Variants in MAGI3 observed in about 807,000 individuals in gnomAD.
The protein encoded by MAGI3 is membrane-associated guanylate kinase, WW and PDZ domain-containing protein 3.
A neutral mutation model predicts 121.8 loss-of-function variants in MAGI3; 43 were observed. The observed-to-expected ratio is 0.35, with a 90% CI of 0.28 to 0.46. The LOEUF (loss-of-function observed/expected upper bound fraction) is 0.46, where lower values mean the gene tolerates loss of function less well. MAGI3 is among the 20% of genes least tolerant of loss of function. The pLI, the probability that MAGI3 is intolerant of heterozygous loss-of-function variation, is 1.00. For synonymous variants in MAGI3, 553 were observed against 639.3 expected (o/e 0.86, Z 2.04); for missense variants, 1,547 against 1,797.3 (o/e 0.86, Z 2.52).
chr1:113,493,928 G>T (rs1307878622), intron 1 of MAGI3, among the ~76,000 whole-genome samples: 1 of 152,190 alleles, frequency 6.6e-6, no homozygotes, highest in Non-Finnish European at 1.5e-5. Flanking sequence ...GGGAATGAGT[G>T]TAAATTAGTT....
At chr1:113,661,871 G>C (rs1263652867) in intron 16 of MAGI3, among the ~76,000 whole-genome samples, 1 of 151,870 alleles carries the variant, frequency 6.6e-6, no homozygotes, top group African/African-American at 2.4e-5. Flanking sequence ...TTATGCTCTA[G>C]GTTTTTTTTA....
Position 113,683,516 on chromosome 1 carries a change from A to G in MAGI3, c.3948A>G (p.Ile1316Met). ...AKLLEGKSRR[I>M]AGYTGSNAEQ... ...TATTAGAGGGTAAGAGTCGAAGAAT[A>G]GCAGGCTATACGGGCAGTAATGCTG... The change falls in exon 21 of 21, where the codon ATA becomes ATG. Residue 1316 changes from isoleucine (I) to methionine (M), a missense_variant. Transcript: ENST00000307546. The G allele has an allele frequency of 6.2e-7, 1 of 1,614,026 alleles. No individual in the cohort carries two copies. The highest frequency in any genetic ancestry group is 1.1e-5 in the South Asian group (1 of 91,082).
Position 113,642,095 on chromosome 1 carries a change from T to C in MAGI3, c.1545T>C (p.Asn515=). The change falls in exon 10 of 21, where the codon AAT becomes AAC. Residue 515 remains asparagine, a synonymous_variant. Coordinates refer to ENST00000307546, the MANE Select transcript of MAGI3 (RefSeq NM_001142782.2). ...VDIVAATPVI[N]GQSLTKGETC... is the part of the protein sequence containing the mutation. ...TTGTTGCTGCTACCCCTGTCATCAA[T>C]GGACAGTCATTAACCAAGGGAGAGA... The C allele has an allele frequency of 6.2e-7, 1 of 1,614,156 alleles. No homozygotes were observed. The highest frequency in any genetic ancestry group is 8.5e-7 in the Non-Finnish European group (1 of 1,180,012).
chr1:113,555,169 A>T (rs1659936386), intron 2 of MAGI3, among the ~76,000 whole-genome samples: 1 of 152,282 alleles, frequency 6.6e-6, no homozygotes, highest in South Asian at 2.1e-4. Flanking sequence ...ATATCCTTCA[A>T]AAATGAAAGA....
intron 5 of MAGI3, 96 bp downstream of exon 5, chr1:113,590,754 G>T (rs1259892886): frequency 8.1e-6 from 9 of 1,113,500 alleles, no homozygotes; most frequent in Non-Finnish European, 9.9e-6. Context: ...ACCTTTTTCA[G>T]AAGACTCATT....
At chr1:113,392,189 T>C (rs1402693307) in intron 1 of MAGI3, among the ~76,000 whole-genome samples, 1 of 152,270 alleles carries the variant, frequency 6.6e-6, no homozygotes, top group East Asian at 1.9e-4. Flanking sequence ...TGATAGTATG[T>C]AGTAGTTCTT....
At chr1:113,559,469 G>C (rs563192634) in intron 2 of MAGI3, among the ~76,000 whole-genome samples, 4 of 152,180 alleles carry the variant, frequency 2.6e-5, no homozygotes, top group Admixed American at 6.5e-5. Flanking sequence ...GTCAAAGAAG[G>C]GCATTACATA....
intron 1 of MAGI3, among the ~76,000 whole-genome samples, chr1:113,403,175 A>G (rs1392650292): frequency 6.6e-6 from 1 of 152,114 alleles, no homozygotes; most frequent in Non-Finnish European, 1.5e-5. Context: ...GAAACAGTCC[A>G]CAGTGGGAGC....
intron 2 of MAGI3, among the ~76,000 whole-genome samples, chr1:113,564,660 A>G (rs1332521627): frequency 6.6e-6 from 1 of 152,100 alleles, no homozygotes; most frequent in Non-Finnish European, 1.5e-5. Flanking sequence ...TCTTGAAGCC[A>G]GGAGTTCAAG....
intron 6 of MAGI3, among the ~76,000 whole-genome samples, chr1:113,612,337 A>G (rs1230178142): frequency 1.3e-5 from 2 of 152,278 alleles, no homozygotes; most frequent in Middle Eastern, 3.4e-3. Context: ...GATTATGTTT[A>G]TCTTTATCTT....
At chr1:113,641,569 T>C (rs1269233217) in intron 9 of MAGI3, among the ~76,000 whole-genome samples, 2 of 152,090 alleles carry the variant, frequency 1.3e-5, no homozygotes, top group East Asian at 1.9e-4. Flanking sequence ...AAATACCTAC[T>C]GCAATGTGCC....
At chr1:113,443,565 C>A (rs1286887485) in intron 1 of MAGI3, among the ~76,000 whole-genome samples, 2 of 152,180 alleles carry the variant, frequency 1.3e-5, no homozygotes, top group Admixed American at 1.3e-4. Context: ...TAACCAAGAT[C>A]ATTTATGATG....
At chr1:113,563,910 TA>T (rs1181565977) in intron 2 of MAGI3, among the ~76,000 whole-genome samples, 1 of 152,234 alleles carries the variant, frequency 6.6e-6, no homozygotes, top group Non-Finnish European at 1.5e-5. Flanking sequence ...GCTGTTACCA[TA>T]CCCTCTTCAA....
chr1:113,447,819 C>T (rs1340186800), intron 1 of MAGI3, among the ~76,000 whole-genome samples: 1 of 151,854 alleles, frequency 6.6e-6, no homozygotes, highest in African/African-American at 2.4e-5. Context: ...CACGCCACTG[C>T]ACTCCAGCCT....
At chr1:113,585,360 T>C in intron 3 of MAGI3, 27 bp from the exon 4 acceptor site, 1 of 1,603,144 alleles carries the variant, frequency 6.2e-7, no homozygotes, top group South Asian at 1.1e-5. Context: ...ACATTAGTAA[T>C]TTCAGCTGCT....
At chr1:113,531,507 A>G (rs1452108801) in intron 1 of MAGI3, among the ~76,000 whole-genome samples, 1 of 152,040 alleles carries the variant, frequency 6.6e-6, no homozygotes, top group East Asian at 1.9e-4. Flanking sequence ...TCCCAACCTC[A>G]CCAACAGAGT....
intron 1 of MAGI3, among the ~76,000 whole-genome samples, chr1:113,468,683 C>T (rs993802554): frequency 5.9e-5 from 9 of 151,878 alleles, no homozygotes; most frequent in Non-Finnish European, 1.2e-4. Context: ...ATGAATTTGT[C>T]GTCAATAATT....
At chr1:113,570,374 T>C (rs955338870) in intron 2 of MAGI3, among the ~76,000 whole-genome samples, 2 of 152,152 alleles carry the variant, frequency 1.3e-5, no homozygotes, top group Admixed American at 1.3e-4. Context: ...GTCTTTATAG[T>C]AGAAGGATTT....
intron 1 of MAGI3, among the ~76,000 whole-genome samples, chr1:113,528,218 A>G (rs992674663): frequency 4.6e-5 from 7 of 151,826 alleles, no homozygotes; most frequent in African/African-American, 1.7e-4. Context: ...ACAGGATCCA[A>G]CTGAAGTTGA....
Sources: allele counts gnomAD v4.1 joint callset (sites outside exome capture counted in the v4.1 genomes callset), GRCh38; gene constraint gnomAD v4.1.1; transcripts MANE v1.5; gene names NCBI Gene and HGNC (gene_info 2026-07-23, HGNC 2026-07-21).